Variants in ASRGL1 observed in about 807,000 individuals in gnomAD.
The protein encoded by ASRGL1 is isoaspartyl peptidase/L-asparaginase.
In ASRGL1, 16 loss-of-function variants were observed where a neutral mutation model predicts 22.4. That is an observed-to-expected ratio of 0.71 (90% CI 0.48 to 1.08). ASRGL1 has a LOEUF of 1.08. ASRGL1 is among the 50% of genes least tolerant of loss of function. The pLI, the probability that ASRGL1 is intolerant of heterozygous loss-of-function variation, is 0.00. For missense variants in ASRGL1, 412 were observed against 410.1 expected (o/e 1.00, Z -0.04); for synonymous variants, 165 against 159.3 (o/e 1.04, Z -0.27).
At chr11:62,371,228 G>A (rs1276140243) in intron 4 of ASRGL1, 2 of 1,253,150 alleles carry the variant, frequency 1.6e-6, no homozygotes, top group East Asian at 3.1e-5. Flanking sequence ...TGGCGGCCCC[G>A]CAGCCGGAAG....
intron 4 of ASRGL1, among the ~76,000 whole-genome samples, chr11:62,360,862 G>A (rs538280588): frequency 2.0e-5 from 3 of 151,884 alleles, no homozygotes; most frequent in Admixed American, 6.6e-5. Flanking sequence ...TGATTTTACC[G>A]GAAACAGAAA....
intron 2 of ASRGL1, among the ~76,000 whole-genome samples, chr11:62,348,470 G>A (rs1252250492): frequency 1.3e-5 from 2 of 152,128 alleles, no homozygotes; most frequent in African/African-American, 4.8e-5. Flanking sequence ...TTGGGAGGCC[G>A]AGGCAGGTGG....
chr11:62,371,940 CAAGACTCCGTCTCAAAAAAAAAA>C, intron 4 of ASRGL1: 1 of 557,082 alleles, frequency 1.8e-6, no homozygotes. Flanking sequence ...GGCAACAGAG[CAAGACTCCGTCTCAAAAAAAAAA>C]AAAAAAAAAA....
At chr11:62,401,115 T>C in the ASRGL1 span, among the ~76,000 whole-genome samples, 3 of 152,136 alleles carry the variant, frequency 2.0e-5, no homozygotes, top group African/African-American at 7.2e-5. Flanking sequence ...GAACAAGGAG[T>C]GCCCAAGGCC....
At chr11:62,394,496 G>A (rs987930069), downstream of ASRGL1, among the ~76,000 whole-genome samples, 3 of 151,604 alleles carry the variant, frequency 2.0e-5, no homozygotes, top group South Asian at 6.2e-4. Context: ...ATTTGGGAGA[G>A]GACAGAATTC....
intron 4 of ASRGL1, among the ~76,000 whole-genome samples, chr11:62,359,278 T>G (rs922479201): frequency 6.6e-6 from 1 of 152,070 alleles, no homozygotes; most frequent in Admixed American, 6.6e-5. Context: ...GAGCCCTGTC[T>G]CTACTAAAAA....
chr11:62,399,419 G>A, the ASRGL1 span, among the ~76,000 whole-genome samples: 18 of 152,278 alleles, frequency 1.2e-4, no homozygotes, highest in African/African-American at 4.3e-4. Context: ...GTTCTGCCGG[G>A]TGCCCCACCG....
downstream of ASRGL1, among the ~76,000 whole-genome samples, chr11:62,395,044 A>T (rs899387722): frequency 2.0e-5 from 3 of 152,188 alleles, no homozygotes; most frequent in Non-Finnish European, 4.4e-5. Context: ...GCCCAAAGGG[A>T]AGGTACTCTA....
In ASRGL1 at chr11:62,392,299, G is replaced by A. The variant is rs1386675097; in HGVS notation, c.*15G>A. 12 of 1,612,114 alleles carry A rather than the reference G, an allele frequency of 7.4e-6. No individual in the cohort carries two copies. The highest frequency in any genetic ancestry group is 1.0e-5 in the Non-Finnish European group (12 of 1,179,290). ...ACCTTCCCTAAGCCGCTGGAAGATT[G>A]TATTCCAGATGCTAGCTTAGAGGTC... On this transcript the variant is annotated 3_prime_UTR_variant, in exon 7 of 7. Coordinates refer to ENST00000415229, the MANE Select transcript of ASRGL1 (RefSeq NM_001083926.2).
chr11:62,341,204 T>A (rs1015818103), intron 2 of ASRGL1, among the ~76,000 whole-genome samples: 163 of 150,852 alleles, frequency 1.1e-3, no homozygotes, highest in Middle Eastern at 0.01. Context: ...GGATTTTTTT[T>A]TTTTTTTTTT....
chr11:62,355,952 C>T (rs1946280686), intron 2 of ASRGL1, among the ~76,000 whole-genome samples: 1 of 152,190 alleles, frequency 6.6e-6, no homozygotes, highest in Admixed American at 6.5e-5. Context: ...GGTCACAGAT[C>T]AACAGGATCC....
chr11:62,340,776 C>G (rs2513052), intron 2 of ASRGL1, among the ~76,000 whole-genome samples: 129,042 of 152,174 alleles, frequency 0.85, 55,255 homozygotes, highest in East Asian at 1. Flanking sequence ...GCCAAGGTCA[C>G]TACCGGCAAG....
At chr11:62,376,177 CTT>C (rs779056201) in intron 4 of ASRGL1, among the ~76,000 whole-genome samples, 38 of 123,046 alleles carry the variant, frequency 3.1e-4, no homozygotes, top group Non-Finnish European at 3.4e-4. Context: ...GTTCTCAAGG[CTT>C]TTTTTTTTTT....
intron 4 of ASRGL1, among the ~76,000 whole-genome samples, chr11:62,364,017 G>A (rs961702058): frequency 6.6e-6 from 1 of 151,890 alleles, no homozygotes; most frequent in Non-Finnish European, 1.5e-5. Context: ...AAATCAGCCA[G>A]GCGTGGCAGT....
intron 4 of ASRGL1, among the ~76,000 whole-genome samples, chr11:62,380,264 A>G (rs1286733232): frequency 6.6e-6 from 1 of 152,052 alleles, no homozygotes; most frequent in Admixed American, 6.6e-5. Flanking sequence ...TGGCGTTTCC[A>G]TATGCCATCA....
intron 4 of ASRGL1, among the ~76,000 whole-genome samples, chr11:62,362,739 A>G (rs1216257955): frequency 9.8e-6 from 1 of 101,920 alleles, no homozygotes; most frequent in African/African-American, 3.7e-5. Context: ...AAAATATAAT[A>G]TATATTATAT....
At chr11:62,384,638 G>A (rs1270777776) in intron 4 of ASRGL1, among the ~76,000 whole-genome samples, 1 of 150,046 alleles carries the variant, frequency 6.7e-6, no homozygotes, top group Non-Finnish European at 1.5e-5. Flanking sequence ...ATTCATGGCT[G>A]GGTGTGGTGG....
At chr11:62,388,821 G>A (rs1947272563) in intron 4 of ASRGL1, among the ~76,000 whole-genome samples, 1 of 152,028 alleles carries the variant, frequency 6.6e-6, no homozygotes, top group Admixed American at 6.6e-5. Context: ...AGTTTGAGAA[G>A]CACTCTTACT....
chr11:62,362,491 A>G (rs1458844642), intron 4 of ASRGL1, among the ~76,000 whole-genome samples: 1 of 80,552 alleles, frequency 1.2e-5, no homozygotes, highest in African/African-American at 5.9e-5. Context: ...TATATAATAT[A>G]TATTATATAA....
Sources: allele counts gnomAD v4.1 joint callset (sites outside exome capture counted in the v4.1 genomes callset), GRCh38; gene constraint gnomAD v4.1.1; transcripts MANE v1.5; gene names NCBI Gene and HGNC (gene_info 2026-07-23, HGNC 2026-07-21).